Variants in RPH3A observed in about 807,000 individuals in gnomAD.
The protein encoded by RPH3A is rabphilin 3A, also known as rabphilin-3A.
RPH3A carries 48 observed loss-of-function variants against 102.2 expected under a neutral mutation model. The ratio of observed to expected loss-of-function variants is 0.47; its 90% CI spans 0.37 to 0.60. RPH3A has a LOEUF of 0.60. Among genes scored for constraint, RPH3A ranks in the 20% least tolerant of loss-of-function variants. RPH3A has a pLI of 0.00. For synonymous variants in RPH3A, 310 were observed against 324.3 expected (o/e 0.96, Z 0.47); for missense variants, 781 against 910.1 (o/e 0.86, Z 1.83).
rs5742214 is a variant in RPH3A, at chr12:112,791,867, GGAGAGAGAGAGA to G, written c.-258_-247del. On this transcript the variant is annotated 5_prime_UTR_variant, in exon 1 of 22. Transcript: ENST00000389385. Reference sequence around the variant, plus strand: ...CGCGGACTGGAAAGGAAGGGAGAAGGGAGAGAGAGAGAGAGAGAGAGAGAGAGAGAGAGAGAG... The same window carrying G: ...CGCGGACTGGAAAGGAAGGGAGAAGGGAGAGAGAGAGAGAGAGAGAGAGAG... 1.9e-4 allele frequency: 9 copies of G among 48,508 alleles called. No homozygotes were observed. The East Asian group carries it at 5.1e-3, about 28-fold the overall frequency. 3.0% of individuals were successfully genotyped at this position (48,508 alleles called of 1,614,324 possible).
chr12:112,738,251 T>C (rs1380260221), intron 1 of RPH3A, among the ~76,000 whole-genome samples: 1 of 151,992 alleles, frequency 6.6e-6, no homozygotes, highest in South Asian at 2.1e-4. Flanking sequence ...GGAGTACAGC[T>C]GTGTGATCTC....
intron 11 of RPH3A, 29 bp downstream of exon 11, chr12:112,875,199 C>T (rs778469453): frequency 3.9e-6 from 6 of 1,542,676 alleles, no homozygotes; most frequent in South Asian, 2.4e-5. Flanking sequence ...CTAGCACCTG[C>T]CCAGGCTGTC....
intron 10 of RPH3A, among the ~76,000 whole-genome samples, chr12:112,872,781 T>C (rs1462940603): frequency 3.3e-5 from 5 of 152,214 alleles, no homozygotes; most frequent in Non-Finnish European, 1.5e-5. Flanking sequence ...ACAAAGACAG[T>C]CATAGGACAT....
chr12:112,761,843 G>T (rs1275578858), intron 1 of RPH3A, among the ~76,000 whole-genome samples: 3 of 152,310 alleles, frequency 2.0e-5, no homozygotes, highest in Admixed American at 6.5e-5. Flanking sequence ...TTGACATTTG[G>T]ACTCCCTTTT....
At chr12:112,891,827 AGGGCCTT>A (rs1402407454) in intron 19 of RPH3A, among the ~76,000 whole-genome samples, 6 of 152,326 alleles carry the variant, frequency 3.9e-5, no homozygotes, top group African/African-American at 1.2e-4. Flanking sequence ...CACTGCATCC[AGGGCCTT>A]GGTCAGTTAC....
intron 1 of RPH3A, among the ~76,000 whole-genome samples, chr12:112,726,659 A>G (rs1490709507): frequency 6.6e-6 from 1 of 152,172 alleles, no homozygotes; most frequent in African/African-American, 2.4e-5. Context: ...TATTCCTAAG[A>G]TTTTTAAAGC....
intron 1 of RPH3A, among the ~76,000 whole-genome samples, chr12:112,725,264 A>C (rs1254477350): frequency 2.2e-4 from 33 of 150,856 alleles, no homozygotes; most frequent in East Asian, 1.6e-3. Context: ...AAAAAAAAAA[A>C]AAAAAAAAAA....
chr12:112,722,385 T>A (rs979306201), intron 1 of RPH3A, among the ~76,000 whole-genome samples: 3 of 152,224 alleles, frequency 2.0e-5, no homozygotes, highest in African/African-American at 7.2e-5. Context: ...AAAGGCTTTA[T>A]AAGTAGGTGG....
chr12:112,716,098 C>T (rs1264536341), intron 1 of RPH3A, among the ~76,000 whole-genome samples: 11 of 152,226 alleles, frequency 7.2e-5, no homozygotes, highest in South Asian at 2.1e-4. Context: ...TGAGGATGAC[C>T]GGAGGTTACT....
intron 1 of RPH3A, among the ~76,000 whole-genome samples, chr12:112,762,427 A>C (rs2136067351): frequency 6.6e-6 from 1 of 152,320 alleles, no homozygotes; most frequent in African/African-American, 2.4e-5. Context: ...CCCTTCAGGC[A>C]CATCAAACTA....
At chr12:112,575,769 G>A (rs940939594) in intron 1 of RPH3A, among the ~76,000 whole-genome samples, 1 of 152,120 alleles carries the variant, frequency 6.6e-6, no homozygotes, top group African/African-American at 2.4e-5. Flanking sequence ...TAGGAAGACG[G>A]GAAACTCAGA....
chr12:112,675,827 A>G (rs2040170396), intron 1 of RPH3A, among the ~76,000 whole-genome samples: 1 of 152,198 alleles, frequency 6.6e-6, no homozygotes, highest in South Asian at 2.1e-4. Flanking sequence ...TGAGGGTCCT[A>G]TCAGGAAAAT....
At chr12:112,787,886 G>A (rs537349389), upstream of RPH3A, among the ~76,000 whole-genome samples, 3 of 152,246 alleles carry the variant, frequency 2.0e-5, no homozygotes, top group South Asian at 2.1e-4. Context: ...AGTCTTACTG[G>A]GCTGCCTCTG....
intron 12 of RPH3A, among the ~76,000 whole-genome samples, chr12:112,876,129 G>A (rs972351445): frequency 2.0e-5 from 3 of 152,194 alleles, no homozygotes; most frequent in African/African-American, 7.2e-5. Context: ...TTGGTGGGTG[G>A]CCTGGAATAT....
intron 2 of RPH3A, among the ~76,000 whole-genome samples, chr12:112,822,146 A>G (rs1220546701): frequency 6.6e-6 from 1 of 152,242 alleles, no homozygotes; most frequent in Non-Finnish European, 1.5e-5. Flanking sequence ...GATATACTGC[A>G]CTCAGGGGAA....
At chr12:112,865,582 C>T (rs767341002) in intron 6 of RPH3A, 39 bp downstream of exon 6, 8 of 1,601,142 alleles carry the variant, frequency 5.0e-6, no homozygotes, top group Middle Eastern at 2.1e-4. Context: ...CTGTGCAGCA[C>T]CTGCAGAGGG....
chr12:112,760,020 T>C (rs913064185), intron 1 of RPH3A, among the ~76,000 whole-genome samples: 2 of 152,154 alleles, frequency 1.3e-5, no homozygotes, highest in Non-Finnish European at 2.9e-5. Flanking sequence ...AGTGCGGATA[T>C]TCACGGTACA....
intron 1 of RPH3A, among the ~76,000 whole-genome samples, chr12:112,752,163 AT>A (rs1375433304): frequency 6.6e-6 from 1 of 152,150 alleles, no homozygotes; most frequent in African/African-American, 2.4e-5. Flanking sequence ...AATCTTTTAT[AT>A]TTTCAAAACA....
intron 2 of RPH3A, among the ~76,000 whole-genome samples, chr12:112,803,453 C>A (rs1469093039): frequency 6.6e-6 from 1 of 151,826 alleles, no homozygotes; most frequent in Non-Finnish European, 1.5e-5. Flanking sequence ...CATGACTGAC[C>A]TCCTTCAAAC....
Sources: allele counts gnomAD v4.1 joint callset (sites outside exome capture counted in the v4.1 genomes callset), GRCh38; gene constraint gnomAD v4.1.1; transcripts MANE v1.5; gene names NCBI Gene and HGNC (gene_info 2026-07-23, HGNC 2026-07-21).